The following COL11A1 variants were observed in gnomAD, a reference collection of about 807,000 sequenced individuals.
COL11A1 encodes collagen alpha-1(XI) chain.
In COL11A1, 74 loss-of-function variants were observed where a neutral mutation model predicts 265.2. That is an observed-to-expected ratio of 0.28 (90% confidence interval 0.23 to 0.34). COL11A1 has a LOEUF of 0.34. Among genes scored for constraint, COL11A1 ranks in the 10% least tolerant of loss-of-function variants. The pLI is 1.00. For missense variants in COL11A1, 2,165 were observed against 2,263.6 expected, an observed-to-expected ratio of 0.96 and a Z score of 0.88; for synonymous variants, 816 against 727.6, an observed-to-expected ratio of 1.12 and a Z score of -1.96.
rs186597014 is a variant in COL11A1 at position 103,024,062 on chromosome 1, G to A, written c.991-1066C>T. Reference sequence around the variant, plus strand: ...TTACTAGTAGAATAAACCTGAATCCGACTTATCATGTGAATATTTGGTTTT... The same window carrying A: ...TTACTAGTAGAATAAACCTGAATCCAACTTATCATGTGAATATTTGGTTTT... On this transcript the variant is annotated intron_variant, in intron 7 of 66. Transcript: ENST00000370096. Among the ~76,000 whole-genome samples the A allele has an allele frequency of 1.8e-4, 27 of 152,030 alleles. No homozygotes were observed. The East Asian group carries it at 3.3e-3, about 19-fold the overall frequency.
At chr1:102,984,345 T>C (rs964494580) in intron 30 of COL11A1, among the ~76,000 whole-genome samples, 154 bp from the exon 31 acceptor site, 9 of 152,062 alleles carry the variant, frequency 5.9e-5, no homozygotes, top group Non-Finnish European at 1.2e-4. Context: ...ATTATATTTC[T>C]TCACGTGAAT....
intron 20 of COL11A1, 136 bp downstream of exon 20, chr1:103,004,308 G>T: frequency 4.6e-6 from 3 of 646,108 alleles, no homozygotes; most frequent in Non-Finnish European, 5.4e-6. Context: ...AATTTTTTTC[G>T]CATGGCAATT....
rs559518582 is a variant in COL11A1 at position 103,050,075 on chromosome 1, T to G, written c.652-18831A>C. Among the ~76,000 whole-genome samples the G allele has an allele frequency of 8.3e-4, 127 of 152,282 alleles. 1 individual carries two copies. In the East Asian group the frequency reaches 0.023, roughly 28 times the overall value. Reference sequence around the variant, plus strand: ...ACTTTGGTGAATCTGACAATTATGTTTCTTGGAGTTGCTCTTCTCAAGGAC... The same window carrying G: ...ACTTTGGTGAATCTGACAATTATGTGTCTTGGAGTTGCTCTTCTCAAGGAC... On this transcript the variant is annotated intron_variant, in intron 4 of 66. Coordinates refer to ENST00000370096, the MANE Select transcript of COL11A1 (RefSeq NM_001854.4).
At chr1:102,884,993 C>A (rs556677254) in intron 63 of COL11A1, among the ~76,000 whole-genome samples, 1 of 152,104 alleles carries the variant, frequency 6.6e-6, no homozygotes, top group Non-Finnish European at 1.5e-5. Flanking sequence ...GGGGTTCTAC[C>A]CCGTACCTGG....
At chr1:103,018,885 T>G in intron 9 of COL11A1, 26 bp from the exon 10 acceptor site, 1 of 1,603,468 alleles carries the variant, frequency 6.2e-7, no homozygotes, top group Non-Finnish European at 8.5e-7. Context: ...AGAACATCTC[T>G]ACCAGGGAAA....
intron 42 of COL11A1, 121 bp from the exon 43 acceptor site, chr1:102,940,555 A>G (rs763037001): frequency 1.2e-5 from 9 of 730,546 alleles, no homozygotes; most frequent in Non-Finnish European, 1.9e-5. Flanking sequence ...AACATTTTAA[A>G]GAATAAATGA....
chr1:103,022,119 G>T (rs112648035), intron 8 of COL11A1, among the ~76,000 whole-genome samples: 3 of 151,088 alleles, frequency 2.0e-5, no homozygotes, highest in African/African-American at 7.3e-5. Context: ...GCCTCCCAAA[G>T]TGCTAGGATT....
chr1:103,021,913 T>G, intron 8 of COL11A1, 144 bp from the exon 9 acceptor site: 1 of 668,034 alleles, frequency 1.5e-6, no homozygotes, highest in Non-Finnish European at 2.6e-6. Context: ...AGTGGCTCGA[T>G]CTCCGCTCAC....
Position 103,053,503 on chromosome 1 carries a change from G to T in COL11A1, c.651+21115C>A, listed in dbSNP as rs543486847. On this transcript the variant is annotated intron_variant, in intron 4 of 66. Coordinates refer to ENST00000370096, the MANE Select transcript of COL11A1 (RefSeq NM_001854.4). ...CAGCCCTACAGAATCACTGAAGCTT[G>T]GTCATAAATAATGTGGCACATTTTT... Among the ~76,000 whole-genome samples, 99 of 152,248 alleles carry T rather than the reference G, an allele frequency of 6.5e-4. 1 individual carries two copies. The highest frequency in any genetic ancestry group is 2.4e-3 in the African/African-American group (98 of 41,568).
chr1:102,880,809 T>C (rs912776621), intron 65 of COL11A1, among the ~76,000 whole-genome samples: 3 of 152,082 alleles, frequency 2.0e-5, no homozygotes, highest in Non-Finnish European at 4.4e-5. Context: ...GTAGGTCAGA[T>C]CATGAGTATT....
At chr1:103,001,876 T>C (rs777024800) in intron 24 of COL11A1, 49 bp downstream of exon 24, 1 of 1,580,248 alleles carries the variant, frequency 6.3e-7, no homozygotes, top group South Asian at 1.1e-5. Flanking sequence ...CTAAGATTGC[T>C]AAAACAAACA....
Position 102,878,054 on chromosome 1 carries a change from C to T in COL11A1, c.5386G>A (p.Gly1796Arg), listed in dbSNP as rs925433052. The change falls in exon 67 of 67, where the codon GGA (glycine) becomes AGA (arginine). Residue 1796 changes from glycine to arginine, a missense_variant. Gly to Arg is a moderately radical substitution (Grantham distance 125, BLOSUM62 -2). Coordinates refer to ENST00000370096, the MANE Select transcript of COL11A1 (RefSeq NM_001854.4). The stretch of plus-strand genomic sequence containing the variant: ...AAACAAACAGGACCAACTTCAAATC[C>T]GAACTTCTGATTCTGATCACCAAAG... ...NDFGDQNQKF[G>R]FEVGPVCFLG is the part of the protein sequence containing the mutation. 22 of 1,613,518 alleles carry T rather than the reference C, an allele frequency of 1.4e-5. No homozygotes were observed. The highest frequency in any genetic ancestry group is 1.7e-4 in the Middle Eastern group (1 of 6,048).
At chr1:102,920,045 T>G (rs1655795825) in intron 49 of COL11A1, among the ~76,000 whole-genome samples, 2 of 152,078 alleles carry the variant, frequency 1.3e-5, no homozygotes, top group Admixed American at 1.3e-4. Context: ...AGCTTATAAA[T>G]GTGGATATTA....
Position 103,108,507 on chromosome 1 carries a change from G to T in COL11A1, c.-329C>A. 5.3e-6 allele frequency: 3 copies of T among 563,116 alleles called. No individual in the cohort carries two copies. In the South Asian group the frequency reaches 7.4e-5, roughly 14 times the overall value. 34.9% of individuals were successfully genotyped at this position (563,116 alleles called of 1,614,324 possible). On this transcript the variant is annotated 5_prime_UTR_variant, in exon 1 of 67. Transcript: ENST00000370096. ...CTGAGAGTACTGTGTGCCCCTAAAG[G>T]CTTCATGCCGTCAGTGGGCTGGACG...
chr1:103,099,322 C>T (rs1674045640), intron 1 of COL11A1, among the ~76,000 whole-genome samples: 1 of 151,470 alleles, frequency 6.6e-6, no homozygotes, highest in African/African-American at 2.4e-5. Flanking sequence ...GGAGATGGTA[C>T]TTCATAATAT....
intron 1 of COL11A1, among the ~76,000 whole-genome samples, chr1:103,098,744 C>T (rs538171751): frequency 8.6e-5 from 13 of 151,768 alleles, no homozygotes; most frequent in Admixed American, 1.3e-4. Context: ...TAATGTTATG[C>T]CAGGCTAACT....
rs1557952190 is a variant in COL11A1, at chr1:103,018,820, C to G, written c.1348G>C (p.Ala450Pro). ...VEGPPGPAGPAGIMGPPGLQG... is the reference protein window; with the variant it reads ...VEGPPGPAGPPGIMGPPGLQG... ...ATAATCTTAAAACATTTACATACTGCAGGTCCTGCTGGTCCTGGTGGTCCT... is the reference window on the plus strand; with the variant it reads ...ATAATCTTAAAACATTTACATACTGGAGGTCCTGCTGGTCCTGGTGGTCCT... Residue 450 changes from alanine to proline, a missense_variant and splice_region_variant, in exon 10 of 67, where the codon GCA becomes CCA. By Grantham distance (27) the Ala-to-Pro change is conservative. Transcript: ENST00000370096. 6.2e-7 allele frequency: 1 copy of G among 1,611,072 alleles called. No homozygotes were observed. The highest frequency in any genetic ancestry group is 8.5e-7 in the Non-Finnish European group (1 of 1,177,636).
chr1:103,068,394 G>A (rs919921259), intron 4 of COL11A1, among the ~76,000 whole-genome samples: 3 of 151,504 alleles, frequency 2.0e-5, no homozygotes, highest in Non-Finnish European at 4.4e-5. Context: ...ATAAAATTTA[G>A]TACATGTTCT....
chr1:102,990,986 T>A (rs1316905783), intron 28 of COL11A1, among the ~76,000 whole-genome samples: 1 of 152,012 alleles, frequency 6.6e-6, no homozygotes, highest in African/African-American at 2.4e-5. Flanking sequence ...CGAACCAAGA[T>A]CACTCCGCTG....
Sources: gnomAD v4.1 joint callset for allele counts (sites outside exome capture counted in the v4.1 genomes callset) on GRCh38, gnomAD v4.1.1 for gene constraint, MANE v1.5 for transcripts, NCBI Gene and HGNC (gene_info 2026-07-23, HGNC 2026-07-21) for gene names.